CGNL1: variants seen among roughly 807,000 people sequenced by gnomAD.
CGNL1 encodes cingulin like 1.
Under a neutral mutation model 141.2 loss-of-function variants are expected in CGNL1, and 132 were observed. The observed-to-expected ratio is 0.93, with a 90% CI of 0.81 to 1.08. The LOEUF is 1.08. Among genes scored for constraint, CGNL1 ranks in the 50% least tolerant of loss-of-function variants. The pLI, the probability that CGNL1 is intolerant of heterozygous loss-of-function variation, is 0.00. For missense variants in CGNL1, 1,870 were observed against 1,588.6 expected (o/e 1.18, Z -3.01); for synonymous variants, 690 against 622.1 (o/e 1.11, Z -1.63).
intron 10 of CGNL1, among the ~76,000 whole-genome samples, chr15:57,520,131 A>C (rs1433335018): frequency 1.3e-5 from 2 of 152,226 alleles, no homozygotes; most frequent in Non-Finnish European, 2.9e-5. Flanking sequence ...CGTGTTAGCC[A>C]CTGGCAGTGC....
intron 1 of CGNL1, among the ~76,000 whole-genome samples, chr15:57,429,634 T>G (rs551342520): frequency 2.6e-5 from 4 of 152,360 alleles, no homozygotes; most frequent in Admixed American, 2.6e-4. Context: ...GTACTTTAGA[T>G]TCTTAGCCCT....
chr15:57,513,452 C>G (rs2030512918), intron 8 of CGNL1, among the ~76,000 whole-genome samples: 1 of 152,142 alleles, frequency 6.6e-6, no homozygotes, highest in South Asian at 2.1e-4. Context: ...ATGTAGATTG[C>G]TTGCACTTAT....
At chr15:57,415,500 G>C (rs1436247219) in intron 1 of CGNL1, among the ~76,000 whole-genome samples, 1 of 152,220 alleles carries the variant, frequency 6.6e-6, no homozygotes, top group Non-Finnish European at 1.5e-5. Context: ...GAGGCAAGGA[G>C]ACAGAGTCTC....
chr15:57,439,811 TG>T (rs1196064345), intron 2 of CGNL1, among the ~76,000 whole-genome samples: 2 of 152,226 alleles, frequency 1.3e-5, no homozygotes, highest in Non-Finnish European at 2.9e-5. Context: ...GAAGTTCAGC[TG>T]GATTCCCATT....
intron 1 of CGNL1, among the ~76,000 whole-genome samples, chr15:57,403,095 A>G (rs760555440): frequency 1.7e-4 from 26 of 152,166 alleles, no homozygotes; most frequent in South Asian, 4.1e-4. Context: ...ACTTTCCACA[A>G]TGCTTGCCAG....
At chr15:57,443,462 C>T (rs1047626904) in intron 4 of CGNL1, among the ~76,000 whole-genome samples, 8 of 152,204 alleles carry the variant, frequency 5.3e-5, no homozygotes, top group Non-Finnish European at 8.8e-5. Context: ...GAGGAAGACA[C>T]CTGGAGGCAG....
intron 13 of CGNL1, among the ~76,000 whole-genome samples, chr15:57,529,518 T>C (rs1379397510): frequency 6.7e-6 from 1 of 148,446 alleles, no homozygotes; most frequent in East Asian, 2.0e-4. Flanking sequence ...ATCTGAACTT[T>C]TAAAAAAGAA....
intron 1 of CGNL1, among the ~76,000 whole-genome samples, chr15:57,381,385 T>A (rs1207275468): frequency 6.6e-6 from 1 of 152,032 alleles, no homozygotes; most frequent in Non-Finnish European, 1.5e-5. Context: ...CATGCTGAAA[T>A]ACCGCCTCTA....
At chr15:57,531,279 A>G (rs2031938082) in intron 13 of CGNL1, among the ~76,000 whole-genome samples, 1 of 152,250 alleles carries the variant, frequency 6.6e-6, no homozygotes, top group African/African-American at 2.4e-5. Flanking sequence ...GCTCTTGCAG[A>G]CAAAAGATTG....
At chr15:57,385,310 G>C (rs1244517385) in intron 1 of CGNL1, among the ~76,000 whole-genome samples, 1 of 152,172 alleles carries the variant, frequency 6.6e-6, no homozygotes, top group Non-Finnish European at 1.5e-5. Flanking sequence ...GAGGCAGGCC[G>C]ATCAGTTGGG....
intron 8 of CGNL1, among the ~76,000 whole-genome samples, chr15:57,491,364 G>T (rs185122857): frequency 2.4e-4 from 37 of 152,172 alleles, no homozygotes; most frequent in African/African-American, 7.2e-4. Context: ...TCCTCAAGCA[G>T]CCTCCTTCCC....
At chr15:57,388,322 A>G (rs2062505723) in intron 1 of CGNL1, among the ~76,000 whole-genome samples, 1 of 152,164 alleles carries the variant, frequency 6.6e-6, no homozygotes, top group South Asian at 2.1e-4. Context: ...GCTAAAATAA[A>G]GAAAATTCTA....
At chr15:57,522,102 A>T (rs4774950) in intron 10 of CGNL1, among the ~76,000 whole-genome samples, 56,115 of 152,018 alleles carry the variant, frequency 0.37, 11,005 homozygotes, top group Non-Finnish European at 0.44. Flanking sequence ...GTGCTGGAGC[A>T]CACTACTGCT....
At chr15:57,464,475 G>C (rs532683124) in intron 8 of CGNL1, among the ~76,000 whole-genome samples, 2 of 152,098 alleles carry the variant, frequency 1.3e-5, no homozygotes, top group South Asian at 4.2e-4. Flanking sequence ...ATGGTGCCTG[G>C]GACATAGTCA....
At chr15:57,399,666 G>C (rs1351831608) in intron 1 of CGNL1, among the ~76,000 whole-genome samples, 1 of 151,550 alleles carries the variant, frequency 6.6e-6, no homozygotes, top group Non-Finnish European at 1.5e-5. Flanking sequence ...AATGAGTAAA[G>C]ATCTCTGAGT....
intron 10 of CGNL1, among the ~76,000 whole-genome samples, chr15:57,519,841 C>T (rs778633073): frequency 2.6e-5 from 4 of 152,278 alleles, no homozygotes; most frequent in East Asian, 1.9e-4. Context: ...ACCAAGTCCC[C>T]GGTGCAGCTA....
At chr15:57,380,990 T>C (rs2062418348) in intron 1 of CGNL1, among the ~76,000 whole-genome samples, 1 of 152,254 alleles carries the variant, frequency 6.6e-6, no homozygotes, top group Non-Finnish European at 1.5e-5. Context: ...CCATGGTTGC[T>C]GTAGCTCAGG....
At chr15:57,420,419 C>T (rs889812137) in intron 1 of CGNL1, among the ~76,000 whole-genome samples, 8 of 152,278 alleles carry the variant, frequency 5.3e-5, no homozygotes, top group Non-Finnish European at 1.2e-4. Context: ...CTGATGTCTC[C>T]ACTTTCATCA....
chr15:57,416,517 C>G (rs548663272), intron 1 of CGNL1, among the ~76,000 whole-genome samples: 1 of 152,310 alleles, frequency 6.6e-6, no homozygotes, highest in South Asian at 2.1e-4. Flanking sequence ...GTTAAGATAG[C>G]CTTCTTGGTG....
Sources: allele counts gnomAD v4.1 joint callset (sites outside exome capture counted in the v4.1 genomes callset), GRCh38; gene constraint gnomAD v4.1.1; transcripts MANE v1.5; gene names NCBI Gene and HGNC (gene_info 2026-07-23, HGNC 2026-07-21).